L3HYPDH: variants seen among roughly 807,000 people sequenced by gnomAD.
L3HYPDH encodes trans-3-hydroxy-L-proline dehydratase.
In L3HYPDH, 32 loss-of-function variants were observed where a neutral mutation model predicts 26.5. That is an observed-to-expected ratio of 1.21 (90% CI 0.91 to 1.62). The LOEUF (loss-of-function observed/expected upper bound fraction) is 1.62. Ranked by LOEUF, L3HYPDH falls within the 40% of genes most tolerant of loss-of-function variation. The probability of loss-of-function intolerance (pLI) is 0.00; values close to 1 mark genes in which losing one functional copy is unlikely to be tolerated. For synonymous variants in L3HYPDH, 215 were observed against 196.6 expected (o/e 1.09, Z -0.78); for missense variants, 554 against 476.4 (o/e 1.16, Z -1.52).
chr14:59,494,034 ACCTT>A, the L3HYPDH span, among the ~76,000 whole-genome samples: 2 of 152,178 alleles, frequency 1.3e-5, no homozygotes, highest in African/African-American at 4.8e-5. Context: ...GTTAGATCCT[ACCTT>A]ACGTTAGGCA....
intron 1 of L3HYPDH, 129 bp from the exon 2 acceptor site, chr14:59,479,480 G>C: frequency 1.1e-6 from 1 of 871,736 alleles, no homozygotes; most frequent in Non-Finnish European, 1.8e-6. Flanking sequence ...AAATAATGAA[G>C]TAAAAATCCG....
In L3HYPDH at chr14:59,484,312, T is replaced by G. The variant is rs1171529892; in HGVS notation, c.5A>C (p.Glu2Ala). 6.3e-7 allele frequency: 1 copy of G among 1,585,780 alleles called. No homozygotes were observed. Among genetic ancestry groups the G allele is most frequent in the African/African-American group, 1.3e-5 (1 of 74,806 alleles). Residue 2 changes from glutamate (E) to alanine (A), a missense_variant, in exon 1 of 5, where the codon GAG becomes GCG. Transcript: ENST00000247194. M[E>A]SALAVPRLPP... Reference sequence around the variant, plus strand: ...CAGCCGGGGCACCGCCAGCGCGCTCTCCATGGTCTGCGTCGGGGGAGACGA... The same window carrying G: ...CAGCCGGGGCACCGCCAGCGCGCTCGCCATGGTCTGCGTCGGGGGAGACGA...
intron 4 of L3HYPDH, among the ~76,000 whole-genome samples, chr14:59,473,705 G>A (rs1889429761): frequency 6.6e-6 from 1 of 152,204 alleles, no homozygotes; most frequent in Non-Finnish European, 1.5e-5. Flanking sequence ...GGTAGTCAGG[G>A]CAGGGATAAA....
the L3HYPDH span, chr14:59,498,701 T>A: frequency 2.4e-6 from 3 of 1,237,564 alleles, no homozygotes; most frequent in Non-Finnish European, 3.4e-6. Flanking sequence ...TTTTTGATGT[T>A]ACAAATTCTT....
At chr14:59,477,235 G>C (rs1035718162) in intron 2 of L3HYPDH, among the ~76,000 whole-genome samples, 2 of 152,218 alleles carry the variant, frequency 1.3e-5, no homozygotes, top group Non-Finnish European at 2.9e-5. Context: ...CTTTCTTCGA[G>C]TCTCCAGGAT....
At chr14:59,488,408 T>C (rs766677761), upstream of L3HYPDH, among the ~76,000 whole-genome samples, 6 of 152,072 alleles carry the variant, frequency 3.9e-5, no homozygotes, top group Non-Finnish European at 7.4e-5. Flanking sequence ...CAAAGTACTC[T>C]GGAGTTACAA....
At chr14:59,503,866 C>A in the L3HYPDH span, 1 of 1,608,810 alleles carries the variant, frequency 6.2e-7, no homozygotes, top group Non-Finnish European at 8.5e-7. Flanking sequence ...CTGCTATGAT[C>A]TTCTGGTCAG....
chr14:59,503,347 T>A, the L3HYPDH span, among the ~76,000 whole-genome samples: 2 of 152,164 alleles, frequency 1.3e-5, no homozygotes, highest in South Asian at 4.1e-4. Flanking sequence ...AGCATACAGG[T>A]GTATTAAGGA....
chr14:59,491,197 G>T, the L3HYPDH span, among the ~76,000 whole-genome samples: 5 of 152,192 alleles, frequency 3.3e-5, no homozygotes, highest in Admixed American at 2.0e-4. Flanking sequence ...TGGCAGATAG[G>T]TAAAATGTGT....
At chr14:59,494,893 A>C in the L3HYPDH span, 3 of 654,568 alleles carry the variant, frequency 4.6e-6, no homozygotes, top group Non-Finnish European at 8.0e-6. Context: ...AAAAGGTTAT[A>C]CTCGAGTAGT....
the L3HYPDH span, among the ~76,000 whole-genome samples, chr14:59,491,652 T>A: frequency 6.6e-6 from 1 of 152,200 alleles, no homozygotes; most frequent in Non-Finnish European, 1.5e-5. Context: ...ATGAAATAAC[T>A]AAAGTCTGGG....
chr14:59,500,331 A>G, the L3HYPDH span, among the ~76,000 whole-genome samples: 5 of 152,216 alleles, frequency 3.3e-5, no homozygotes, highest in African/African-American at 9.6e-5. Context: ...TTCTACTGCA[A>G]TGATAAGTAG....
Position 59,475,921 on chromosome 14 carries a change from C to T in L3HYPDH, c.887G>A (p.Arg296Lys). The T allele has an allele frequency of 6.2e-7, 1 of 1,613,866 alleles. No individual in the cohort carries two copies. Among genetic ancestry groups the T allele is most frequent in the Non-Finnish European group, 8.5e-7 (1 of 1,179,896 alleles). ...HKGLLELNQMRAFKSSATGSV... is the reference protein window; with the variant it reads ...HKGLLELNQMKAFKSSATGSV... ...GCCAGTTGCACTGCTTTTGAAGGCT[C>T]TCATCTGGTTCAGTTCCAGAAGCCC... Residue 296 changes from arginine to lysine, a missense_variant, in exon 4 of 5, where the codon AGA becomes AAA. Arg to Lys is a conservative substitution (Grantham distance 26). Coordinates refer to ENST00000247194, the MANE Select transcript of L3HYPDH (RefSeq NM_144581.2).
At chr14:59,498,781 C>T in the L3HYPDH span, 4 of 1,606,086 alleles carry the variant, frequency 2.5e-6, no homozygotes, top group Non-Finnish European at 3.4e-6. Flanking sequence ...TGATGCTGCT[C>T]CGACCTCTTC....
At chr14:59,504,108 G>T in the L3HYPDH span, 3 of 1,288,324 alleles carry the variant, frequency 2.3e-6, no homozygotes, top group East Asian at 6.9e-5. Flanking sequence ...CCTGAGAAGT[G>T]CTCCTAATAA....
the L3HYPDH span, among the ~76,000 whole-genome samples, chr14:59,499,552 T>C: frequency 6.6e-6 from 1 of 152,178 alleles, no homozygotes; most frequent in South Asian, 2.1e-4. Context: ...ATAAGACAAA[T>C]TCACTGTTAA....
upstream of L3HYPDH, chr14:59,487,933 A>G (rs1890705065): frequency 1.9e-6 from 2 of 1,077,642 alleles, no homozygotes; most frequent in Admixed American, 4.1e-5. Flanking sequence ...AAAAGTGGTA[A>G]ACATGTTTTT....
At chr14:59,486,183 A>G (rs17255787), upstream of L3HYPDH, among the ~76,000 whole-genome samples, 9,450 of 152,260 alleles carry the variant, frequency 0.062, 389 homozygotes, top group Middle Eastern at 0.11. Context: ...AGCTAGGACA[A>G]TGTAGGAAAC....
chr14:59,493,393 G>T, the L3HYPDH span, among the ~76,000 whole-genome samples: 6 of 152,186 alleles, frequency 3.9e-5, no homozygotes, highest in African/African-American at 1.2e-4. Context: ...CTCTAGACCA[G>T]TGCTTCCCAA....
Sources: gnomAD v4.1 joint callset for allele counts (sites outside exome capture counted in the v4.1 genomes callset) on GRCh38, gnomAD v4.1.1 for gene constraint, MANE v1.5 for transcripts, NCBI Gene and HGNC (gene_info 2026-07-23, HGNC 2026-07-21) for gene names.